The following PTPRN2 variants were observed in gnomAD, a reference collection of about 807,000 sequenced individuals.
The protein encoded by PTPRN2 is protein tyrosine phosphatase receptor type N2, also known as receptor-type tyrosine-protein phosphatase N2.
A neutral mutation model predicts 118.8 loss-of-function variants in PTPRN2; 74 were observed. The ratio of observed to expected loss-of-function variants is 0.62; its 90% CI spans 0.52 to 0.76. PTPRN2 has a LOEUF of 0.76. PTPRN2 is among the 30% of genes least tolerant of loss of function. PTPRN2 has a pLI of 0.00. For missense variants in PTPRN2, 1,481 were observed against 1,394.4 expected, an observed-to-expected ratio of 1.06 and a Z score of -0.99; for synonymous variants, 641 against 608.0, an observed-to-expected ratio of 1.05 and a Z score of -0.80.
At chr7:158,024,565 T>C (rs1487052970) in intron 11 of PTPRN2, among the ~76,000 whole-genome samples, 1 of 152,160 alleles carries the variant, frequency 6.6e-6, no homozygotes, top group Non-Finnish European at 1.5e-5. Context: ...CTCCACAAGG[T>C]CATAGGCATT....
intron 11 of PTPRN2, among the ~76,000 whole-genome samples, chr7:157,975,747 G>T (rs1337761291): frequency 6.6e-6 from 1 of 151,212 alleles, no homozygotes; most frequent in Admixed American, 6.6e-5. Context: ...TTTTCCATGT[G>T]AATTTACCTT....
chr7:158,130,852 AAC>A lies in PTPRN2; in HGVS notation c.1556+2823_1556+2824del, dbSNP rs57754559. On this transcript the variant is annotated intron_variant, in intron 9 of 22. Coordinates refer to ENST00000389418, the MANE Select transcript of PTPRN2 (RefSeq NM_002847.5). Reference sequence around the variant, plus strand: ...CACGTACATACACACACATCTACCCAACACACACACTCATATACACGCATGCA... The same window carrying A: ...CACGTACATACACACACATCTACCCAACACACACTCATATACACGCATGCA... 4.0e-3 allele frequency among the ~76,000 whole-genome samples: 604 copies of A among 149,454 alleles called. 1 individual carries two copies. Among genetic ancestry groups the A allele is most frequent in the Non-Finnish European group, 5.6e-3 (378 of 67,376 alleles).
intron 2 of PTPRN2, among the ~76,000 whole-genome samples, chr7:158,462,653 C>T (rs184847835): frequency 1.3e-5 from 2 of 152,334 alleles, no homozygotes; most frequent in Non-Finnish European, 2.9e-5. Flanking sequence ...CCTCCTTCCA[C>T]CCTGAGACGT....
intron 11 of PTPRN2, chr7:158,031,016 T>A (rs955500212): frequency 6.6e-6 from 1 of 152,220 alleles, no homozygotes; most frequent in East Asian, 1.9e-4. Context: ...AGGCATCACG[T>A]TGAATAATAT....
intron 3 of PTPRN2, among the ~76,000 whole-genome samples, chr7:158,206,078 C>A (rs1827120444): frequency 6.6e-6 from 1 of 152,168 alleles, no homozygotes; most frequent in Non-Finnish European, 1.5e-5. Context: ...GTGCAGACAA[C>A]CTAGTAAGGT....
At position 157,787,135 on chromosome 7, in the gene PTPRN2, TGGCTGCCCGG is replaced by T. The variant is rs1804107696; in HGVS notation, c.1789-104208_1789-104199del. ...GCGGGTGCGGCGGGGGACGCGGGGG[TGGCTGCCCGG>T]GAGGCGGACGCGGGTGCGGCGGGGG... On this transcript the variant is annotated intron_variant, in intron 12 of 22. Transcript: ENST00000389418. The surrounding 1 kb of genome is among the most constrained non-coding windows in gnomAD (Gnocchi z 5.3). 2.4e-5 allele frequency among the ~76,000 whole-genome samples: 3 copies of T among 123,612 alleles called. No homozygotes were observed. The South Asian group carries it at 8.4e-4, about 35-fold the overall frequency. The allele number at this position is 123,612 out of a possible 152,430, so 81.1% of individuals were successfully genotyped here. A position where few individuals can be genotyped will look rare whatever the true frequency, so the allele number is the denominator to read the frequency against.
chr7:157,958,318 T>C (rs1801310368), intron 11 of PTPRN2, among the ~76,000 whole-genome samples: 3 of 152,176 alleles, frequency 2.0e-5, no homozygotes, highest in South Asian at 4.1e-4. Context: ...GATGGAAGAC[T>C]TTTCCTTTAA....
chr7:158,247,408 G>A (rs772541365), intron 3 of PTPRN2, among the ~76,000 whole-genome samples: 22 of 115,266 alleles, frequency 1.9e-4, no homozygotes, highest in Admixed American at 9.6e-4. Flanking sequence ...ATACAGGGGC[G>A]CAAAGGGAAG....
At chr7:158,396,126 G>A (rs1211346602) in intron 2 of PTPRN2, among the ~76,000 whole-genome samples, 2 of 152,204 alleles carry the variant, frequency 1.3e-5, no homozygotes, top group South Asian at 2.1e-4. Flanking sequence ...GCCGGGACAC[G>A]CACAGGGCAG....
chr7:158,056,753 C>T (rs541536584), intron 11 of PTPRN2, among the ~76,000 whole-genome samples: 1 of 152,250 alleles, frequency 6.6e-6, no homozygotes, highest in South Asian at 2.1e-4. Context: ...ATCAACACAG[C>T]AGGACAGTGG....
chr7:158,569,905 G>C (rs1277966433), intron 1 of PTPRN2, among the ~76,000 whole-genome samples: 1 of 151,830 alleles, frequency 6.6e-6, no homozygotes, highest in Non-Finnish European at 1.5e-5. Flanking sequence ...CTCGGGGCGC[G>C]AGGCCGCCTG....
chr7:158,435,510 A>G (rs1479301771), intron 2 of PTPRN2, among the ~76,000 whole-genome samples: 3 of 152,230 alleles, frequency 2.0e-5, no homozygotes, highest in African/African-American at 7.2e-5. Flanking sequence ...GGAAAACAGT[A>G]TACAGGTTCC....
At chr7:158,520,616 C>T (rs535819003) in intron 1 of PTPRN2, among the ~76,000 whole-genome samples, 16 of 152,328 alleles carry the variant, frequency 1.1e-4, no homozygotes, top group South Asian at 4.1e-4. Context: ...AAGCTCTGGG[C>T]GGCCTTCCAC....
At chr7:157,699,781 C>T (rs1269905338) in intron 12 of PTPRN2, among the ~76,000 whole-genome samples, 3 of 152,314 alleles carry the variant, frequency 2.0e-5, no homozygotes, top group African/African-American at 7.2e-5. Context: ...TAAGCTGTCA[C>T]TGAGACGGAG....
intron 21 of PTPRN2, among the ~76,000 whole-genome samples, chr7:157,562,246 C>T (rs1799229680): frequency 6.6e-6 from 1 of 152,206 alleles, no homozygotes; most frequent in African/African-American, 2.4e-5. Flanking sequence ...ATCTTACTGA[C>T]TGCTGTGTGA....
intron 12 of PTPRN2, among the ~76,000 whole-genome samples, chr7:157,713,109 TCACA>T (rs1057464291): frequency 4.6e-5 from 7 of 152,204 alleles, no homozygotes; most frequent in African/African-American, 1.7e-4. Context: ...CACAGTGGAC[TCACA>T]CTGGCTCTAA....
intron 21 of PTPRN2, among the ~76,000 whole-genome samples, chr7:157,563,644 C>T (rs13308548): frequency 8.8e-6 from 1 of 113,480 alleles, no homozygotes; most frequent in African/African-American, 3.4e-5. Context: ...CACCACACAC[C>T]ACAGATCAGG....
intron 1 of PTPRN2, among the ~76,000 whole-genome samples, chr7:158,518,976 C>T (rs1823776619): frequency 6.6e-6 from 1 of 152,174 alleles, no homozygotes; most frequent in Admixed American, 6.5e-5. Context: ...CAAAGCAAAA[C>T]AACTCTGTCT....
rs889589133 is a variant in PTPRN2, at chr7:157,611,652, T to C, written c.2345-7577A>G. 1.3e-5 allele frequency among the ~76,000 whole-genome samples: 2 copies of C among 152,130 alleles called. No homozygotes were observed. The highest frequency in any genetic ancestry group is 1.9e-4 in the East Asian group (1 of 5,148). On this transcript the variant is annotated intron_variant, in intron 15 of 22. Transcript: ENST00000389418. The surrounding 1 kb of genome is among the most constrained non-coding windows in gnomAD (Gnocchi z 5.9). ...CTAATGCAATATGACTGGCGTGCTG[T>C]TAGGAAGAAGGACTCTGCACACCCA...
Sources: allele counts gnomAD v4.1 joint callset (sites outside exome capture counted in the v4.1 genomes callset), GRCh38; gene constraint gnomAD v4.1.1; non-coding constraint Gnocchi (gnomAD v3.1); transcripts MANE v1.5; gene names NCBI Gene and HGNC (gene_info 2026-07-23, HGNC 2026-07-21).